The following POP1 variants were observed in gnomAD, a reference collection of about 807,000 sequenced individuals.
POP1 encodes the protein ribonucleases P/MRP protein subunit POP1.
A neutral mutation model predicts 102.2 loss-of-function variants in POP1; 75 were observed. The observed-to-expected ratio is 0.73, with a 90% CI of 0.61 to 0.89. POP1 has a LOEUF of 0.89. Among genes scored for constraint, POP1 ranks in the 40% least tolerant of loss-of-function variants. The pLI is 0.00. For missense variants in POP1, 1,116 were observed against 1,267.4 expected (o/e 0.88, Z 1.81); for synonymous variants, 436 against 464.1 (o/e 0.94, Z 0.78).
intron 12 of POP1, among the ~76,000 whole-genome samples, 161 bp from the exon 13 acceptor site, chr8:98,148,654 A>T (rs1319653209): frequency 6.6e-6 from 1 of 152,234 alleles, no homozygotes; most frequent in African/African-American, 2.4e-5. Flanking sequence ...TGTAGGAGGA[A>T]TACCTTATAC....
chr8:98,155,735 C>A (rs1396850621), intron 14 of POP1, among the ~76,000 whole-genome samples: 1 of 151,652 alleles, frequency 6.6e-6, no homozygotes, highest in Non-Finnish European at 1.5e-5. Flanking sequence ...CACCCTCCAC[C>A]ATGCCCGGCT....
Position 98,136,536 on chromosome 8 carries a change from G to C in POP1, c.1066G>C (p.Ala356Pro). 4.3e-6 allele frequency: 7 copies of C among 1,614,002 alleles called. No individual in the cohort carries two copies. Among genetic ancestry groups the C allele is most frequent in the Non-Finnish European group, 5.9e-6 (7 of 1,179,944 alleles). ...ACQCVEPIKSAVCIADPLPTP... is the reference protein window; with the variant it reads ...ACQCVEPIKSPVCIADPLPTP... The stretch of plus-strand genomic sequence containing the variant: ...CCAGTGTGTGGAACCCATCAAATCA[G>C]CTGTCTGCATCGCTGACCCACTTCC... Residue 356 changes from alanine to proline, a missense_variant, in exon 8 of 16, where the codon GCT becomes CCT. Ala to Pro is a conservative substitution (Grantham distance 27). Transcript: ENST00000401707.
At chr8:98,150,675 A>G in intron 14 of POP1, 36 bp downstream of exon 14, 4 of 1,603,796 alleles carry the variant, frequency 2.5e-6, no homozygotes, top group Non-Finnish European at 3.4e-6. Context: ...ATAATGTATT[A>G]AGGAAAAGAG....
chr8:98,138,228 G>C (rs1174470524), intron 9 of POP1, among the ~76,000 whole-genome samples: 1 of 152,120 alleles, frequency 6.6e-6, no homozygotes, highest in African/African-American at 2.4e-5. Flanking sequence ...TTTTTGAATA[G>C]CTTCTCATTG....
chr8:98,154,549 G>T (rs1037249988), intron 14 of POP1, among the ~76,000 whole-genome samples: 8 of 152,190 alleles, frequency 5.3e-5, no homozygotes, highest in Non-Finnish European at 1.0e-4. Flanking sequence ...CAGGGAGTGG[G>T]TGCTTGAGGT....
At chr8:98,138,245 A>G (rs1260948852) in intron 9 of POP1, among the ~76,000 whole-genome samples, 2 of 152,214 alleles carry the variant, frequency 1.3e-5, no homozygotes, top group African/African-American at 4.8e-5. Flanking sequence ...ATTGTAATTA[A>G]GATAAAATCC....
chr8:98,153,630 C>G (rs1809576796), intron 14 of POP1, among the ~76,000 whole-genome samples: 1 of 148,398 alleles, frequency 6.7e-6, no homozygotes, highest in East Asian at 2.0e-4. Context: ...CTCCACCTCC[C>G]AGGTTCAAGC....
At chr8:98,131,640 A>G (rs1816383995) in intron 5 of POP1, among the ~76,000 whole-genome samples, 1 of 147,672 alleles carries the variant, frequency 6.8e-6, no homozygotes, top group African/African-American at 2.5e-5. Flanking sequence ...GCTGGATCAT[A>G]TGATAATTCT....
intron 14 of POP1, among the ~76,000 whole-genome samples, chr8:98,154,349 A>G (rs1299128010): frequency 1.3e-5 from 2 of 152,192 alleles, no homozygotes; most frequent in Admixed American, 6.5e-5. Context: ...GGTGTGAGCC[A>G]TCTAGGCTGA....
chr8:98,128,781 G>A (rs930565670), intron 4 of POP1, among the ~76,000 whole-genome samples: 32 of 152,050 alleles, frequency 2.1e-4, no homozygotes, highest in Non-Finnish European at 4.3e-4. Flanking sequence ...TTAGCTGGGC[G>A]TGATGGTACA....
chr8:98,156,053 C>A lies in POP1; in HGVS notation c.2061C>A (p.Arg687=), dbSNP rs140061338. ...TCTCCTGTATGTTTTTCTTTAGACG[C>A]CCTCCTGCAAAACGGCCCAACTACG... ...AKNLLEKYKR[R]PPAKRPNYVK... is the part of the protein sequence containing the mutation. The change falls in exon 15 of 16, where the codon CGC becomes CGA. Residue 687 remains arginine (R), a synonymous_variant. Transcript: ENST00000401707. The A allele has an allele frequency of 1.5e-5, 24 of 1,613,232 alleles. No homozygotes were observed. The African/African-American group carries it at 3.2e-4, about 22-fold the overall frequency.
At chr8:98,134,860 A>G (rs1482338211) in intron 7 of POP1, among the ~76,000 whole-genome samples, 1 of 152,244 alleles carries the variant, frequency 6.6e-6, no homozygotes, top group Non-Finnish European at 1.5e-5. Flanking sequence ...TAATTGACAA[A>G]AAGCAAATAT....
At chr8:98,142,954 C>A (rs559245672) in intron 11 of POP1, among the ~76,000 whole-genome samples, 3 of 152,274 alleles carry the variant, frequency 2.0e-5, no homozygotes, top group African/African-American at 7.2e-5. Context: ...AATCTGAAGG[C>A]TGTAACTTTG....
intron 1 of POP1, among the ~76,000 whole-genome samples, chr8:98,119,185 T>C (rs1472383592): frequency 6.6e-6 from 1 of 152,242 alleles, no homozygotes; most frequent in Non-Finnish European, 1.5e-5. Flanking sequence ...TTAAGACATA[T>C]TTTTATTTAC....
intron 13 of POP1, among the ~76,000 whole-genome samples, chr8:98,149,788 A>G (rs966004049): frequency 2.6e-5 from 3 of 115,990 alleles, no homozygotes; most frequent in Non-Finnish European, 4.0e-5. Context: ...AAATAAGTAA[A>G]TAAATAAATA....
In POP1 at chr8:98,156,313, A is replaced by C. The variant is rs1809646530; in HGVS notation, c.2321A>C (p.Asp774Ala). The C allele has an allele frequency of 6.2e-7, 1 of 1,614,058 alleles. No homozygotes were observed. The highest frequency in any genetic ancestry group is 1.1e-5 in the South Asian group (1 of 91,080). The part of the protein sequence containing the change: ...EHPREAEEVM[D>A]AGCQESAGPE... The stretch of plus-strand genomic sequence containing the variant: ...CCCAGGGAGGCAGAGGAGGTAATGG[A>C]TGCAGGGTGTCAAGAATCGGCAGGG... The change falls in exon 15 of 16, where the codon GAT (aspartate) becomes GCT (alanine). Residue 774 changes from aspartate to alanine, a missense_variant. Transcript: ENST00000401707.
At chr8:98,134,343 C>A in intron 6 of POP1, 129 bp from the exon 7 acceptor site, 1 of 915,468 alleles carries the variant, frequency 1.1e-6, no homozygotes. Context: ...AGGCTTTGAT[C>A]TGAGCAATCC....
chr8:98,148,756 C>G, intron 12 of POP1, 59 bp from the exon 13 acceptor site: 1 of 1,468,632 alleles, frequency 6.8e-7, no homozygotes. Flanking sequence ...TAGGGAGACC[C>G]AGGAGGATCT....
chr8:98,140,168 G>A lies in POP1; in HGVS notation c.1453G>A (p.Ala485Thr). 3 of 1,614,026 alleles carry A rather than the reference G, an allele frequency of 1.9e-6. No homozygotes were observed. The highest frequency in any genetic ancestry group is 2.5e-6 in the Non-Finnish European group (3 of 1,179,940). ...DSVSLHCRQE[A>T]IFELLGGITS... ...CGTTTCCCTTCATTGCAGACAAGAAGCCATTTTCGAGTTGTTGGGAGGTAT... is the reference window on the plus strand; with the variant it reads ...CGTTTCCCTTCATTGCAGACAAGAAACCATTTTCGAGTTGTTGGGAGGTAT... The change falls in exon 10 of 16, where the codon GCC becomes ACC. Residue 485 changes from alanine to threonine, a missense_variant. Ala to Thr is a moderately conservative substitution (Grantham distance 58, BLOSUM62 0). Coordinates refer to ENST00000401707, the MANE Select transcript of POP1 (RefSeq NM_001145860.2).
Sources: allele counts gnomAD v4.1 joint callset (sites outside exome capture counted in the v4.1 genomes callset), GRCh38; gene constraint gnomAD v4.1.1; transcripts MANE v1.5; gene names NCBI Gene and HGNC (gene_info 2026-07-23, HGNC 2026-07-21).